Variants in SORBS2 observed in about 807,000 individuals in gnomAD.
SORBS2 encodes sorbin and SH3 domain containing 2.
In SORBS2, 46 loss-of-function variants were observed where a neutral mutation model predicts 97.7. The observed-to-expected ratio is 0.47, with a 90% CI of 0.37 to 0.60. The LOEUF is 0.60. Among genes scored for constraint, SORBS2 ranks in the 20% least tolerant of loss-of-function variants. The probability of loss-of-function intolerance (pLI) is 0.00; values close to 1 mark genes in which losing one functional copy is unlikely to be tolerated. For synonymous variants in SORBS2, 476 were observed against 473.4 expected, an observed-to-expected ratio of 1.01 and a Z score of -0.07; for missense variants, 1,316 against 1,282.3, an observed-to-expected ratio of 1.03 and a Z score of -0.40.
chr4:185,624,253 T>G (rs745623510), exon 7 of SORBS2: 1 of 1,614,100 alleles, frequency 6.2e-7, no homozygotes, highest in African/African-American at 1.3e-5. Context: ...AGTCGTCGTT[T>G]AGGAGATCGT....
At chr4:185,902,709 A>G (rs893716794) in intron 1 of SORBS2, among the ~76,000 whole-genome samples, 3 of 151,866 alleles carry the variant, frequency 2.0e-5, no homozygotes, top group Non-Finnish European at 4.4e-5. Context: ...AAAAAAGAAA[A>G]AGAAAGGAGC....
intron 1 of SORBS2, among the ~76,000 whole-genome samples, chr4:185,821,117 C>A (rs1031803462): frequency 2.6e-5 from 4 of 152,196 alleles, no homozygotes; most frequent in African/African-American, 4.8e-5. Flanking sequence ...GATTTGCCCA[C>A]GCCCGGGGGG....
chr4:185,864,629 G>A (rs2099225742), intron 1 of SORBS2, among the ~76,000 whole-genome samples: 1 of 152,150 alleles, frequency 6.6e-6, no homozygotes, highest in South Asian at 2.1e-4. Flanking sequence ...ATCACTGAAC[G>A]GCCGGGTGCG....
rs189825454 is a variant in SORBS2, at chr4:185,702,327, C to T, written c.-197-23505G>A. ...GAGCCGGCGTGCAGAGATCCCATGG[C>T]GAGAGCAGAAGCAAGAGAGAGCAGG... is the stretch of plus-strand genomic sequence containing the variant. On this transcript the variant is annotated intron_variant, in intron 2 of 20. Transcript: ENST00000284776. 3.9e-5 allele frequency among the ~76,000 whole-genome samples: 6 copies of T among 152,146 alleles called. No individual in the cohort carries two copies. The East Asian group carries it at 5.8e-4, about 15-fold the overall frequency.
intron 1 of SORBS2, among the ~76,000 whole-genome samples, chr4:185,926,354 A>G (rs1194216946): frequency 6.6e-6 from 1 of 152,106 alleles, no homozygotes; most frequent in Non-Finnish European, 1.5e-5. Flanking sequence ...TGAGTCCTGG[A>G]GGCGGTGCCT....
chr4:185,706,848 A>T (rs539882628), intron 2 of SORBS2, among the ~76,000 whole-genome samples: 3 of 152,266 alleles, frequency 2.0e-5, no homozygotes, highest in African/African-American at 4.8e-5. Flanking sequence ...TAGTGTGTTC[A>T]CTTGGTCTCC....
intron 12 of SORBS2, among the ~76,000 whole-genome samples, chr4:185,602,064 G>T (rs1488222233): frequency 1.3e-5 from 2 of 152,176 alleles, no homozygotes; most frequent in South Asian, 4.1e-4. Context: ...AGGCTGGAGT[G>T]CAGTGGCACG....
At chr4:185,665,993 G>C (rs2097590432) in intron 4 of SORBS2, 1 of 1,282,348 alleles carries the variant, frequency 7.8e-7, no homozygotes, top group South Asian at 1.2e-5. Flanking sequence ...CAATGGGAAA[G>C]GCTCTGGGGA....
chr4:185,888,957 A>ATAGCTG (rs2099241086), intron 1 of SORBS2, among the ~76,000 whole-genome samples: 1 of 152,264 alleles, frequency 6.6e-6, no homozygotes, highest in Non-Finnish European at 1.5e-5. Context: ...TTGCCAGTGC[A>ATAGCTG]TAGCTGTATC....
chr4:185,834,400 A>T (rs767762996), intron 1 of SORBS2, among the ~76,000 whole-genome samples: 1 of 152,208 alleles, frequency 6.6e-6, no homozygotes, highest in East Asian at 1.9e-4. Context: ...GATAAGACAC[A>T]TACTTTATGG....
At chr4:185,709,252 T>C (rs6853386) in intron 2 of SORBS2, among the ~76,000 whole-genome samples, 83,556 of 150,412 alleles carry the variant, frequency 0.56, 23,862 homozygotes, top group East Asian at 0.72. Context: ...ACTCCCGCCT[T>C]GGCCTCCCAA....
At chr4:185,929,089 T>C (rs1579542688) in intron 1 of SORBS2, among the ~76,000 whole-genome samples, 1 of 152,328 alleles carries the variant, frequency 6.6e-6, no homozygotes, top group Middle Eastern at 3.4e-3. Context: ...CATTTGGATG[T>C]AATCTTTTTC....
intron 1 of SORBS2, among the ~76,000 whole-genome samples, chr4:185,802,149 G>A (rs529806591): frequency 4.9e-4 from 74 of 152,244 alleles, no homozygotes; most frequent in Non-Finnish European, 8.2e-4. Flanking sequence ...TGCTTAAGAC[G>A]ATCAAAGAGT....
chr4:185,941,970 G>T (rs906140749), intron 1 of SORBS2, among the ~76,000 whole-genome samples: 4 of 152,012 alleles, frequency 2.6e-5, no homozygotes, highest in East Asian at 1.9e-4. Context: ...ACAAAAATTT[G>T]CCAGGTGTGG....
chr4:185,683,632 A>G (rs1375995992), intron 2 of SORBS2, among the ~76,000 whole-genome samples: 1 of 152,220 alleles, frequency 6.6e-6, no homozygotes, highest in East Asian at 1.9e-4. Context: ...AAATGAGGTC[A>G]TACTATAAAC....
intron 2 of SORBS2, among the ~76,000 whole-genome samples, chr4:185,682,096 A>C (rs1193477205): frequency 6.6e-6 from 1 of 152,148 alleles, no homozygotes; most frequent in African/African-American, 2.4e-5. Flanking sequence ...TATTTTCTTC[A>C]TTTATTCTCA....
At chr4:185,614,159 GT>G (rs34929054) in intron 11 of SORBS2, among the ~76,000 whole-genome samples, 3,098 of 91,712 alleles carry the variant, frequency 0.034, 39 homozygotes, top group East Asian at 0.13. Context: ...GTTTTTTTGT[GT>G]TTTTTTTTTT....
chr4:185,761,459 A>G (rs922331094), intron 2 of SORBS2: 2 of 152,298 alleles, frequency 1.3e-5, no homozygotes, highest in African/African-American at 2.4e-5. Flanking sequence ...CACAAAGGCC[A>G]TCACATAAAT....
chr4:185,651,703 G>A (rs1251097693), intron 2 of SORBS2, 81 bp downstream of exon 11: 6 of 810,750 alleles, frequency 7.4e-6, no homozygotes, highest in Non-Finnish European at 1.3e-5. Flanking sequence ...TCAAACAGAA[G>A]GGGAAAAAAG....
Sources: gnomAD v4.1 joint callset for allele counts (sites outside exome capture counted in the v4.1 genomes callset) on GRCh38, gnomAD v4.1.1 for gene constraint, MANE v1.5 for transcripts, NCBI Gene and HGNC (gene_info 2026-07-23, HGNC 2026-07-21) for gene names.